Variants in WDR59 observed in about 807,000 individuals in gnomAD.
WDR59 encodes WD repeat domain 59.
A neutral mutation model predicts 131.2 loss-of-function variants in WDR59; 100 were observed. The observed-to-expected ratio is 0.76, with a 90% CI of 0.65 to 0.90. The LOEUF (loss-of-function observed/expected upper bound fraction) is 0.90, where lower values mean the gene tolerates loss of function less well. Ranked by LOEUF, WDR59 falls within the 40% of genes least tolerant of loss-of-function variation. WDR59 has a pLI of 0.00. For synonymous variants in WDR59, 601 were observed against 466.2 expected, an observed-to-expected ratio of 1.29 and a Z score of -3.72; for missense variants, 1,203 against 1,262.2, an observed-to-expected ratio of 0.95 and a Z score of 0.71.
intron 8 of WDR59, among the ~76,000 whole-genome samples, chr16:74,928,968 G>A (rs954455796): frequency 1.6e-4 from 24 of 152,280 alleles, no homozygotes; most frequent in African/African-American, 4.8e-4. Context: ...CCATCTATGT[G>A]ACAAGGGATT....
intron 25 of WDR59, 62 bp downstream of exon 25, chr16:74,885,590 TG>T: frequency 3.2e-6 from 5 of 1,579,312 alleles, no homozygotes; most frequent in Non-Finnish European, 4.3e-6. Context: ...TCTGAGGCTG[TG>T]GACATATTAA....
intron 25 of WDR59, among the ~76,000 whole-genome samples, chr16:74,875,251 C>G (rs1265563850): frequency 6.6e-6 from 1 of 152,230 alleles, no homozygotes; most frequent in Admixed American, 6.5e-5. Context: ...AAAACCTGCT[C>G]TATCTACTCT....
At chr16:74,924,984 A>C (rs753760570) in intron 8 of WDR59, among the ~76,000 whole-genome samples, 8 of 152,120 alleles carry the variant, frequency 5.3e-5, no homozygotes, top group Non-Finnish European at 7.4e-5. Flanking sequence ...TACCACTCCT[A>C]CATAACTGCC....
At chr16:74,878,006 T>C (rs1441256775) in intron 25 of WDR59, among the ~76,000 whole-genome samples, 1 of 152,192 alleles carries the variant, frequency 6.6e-6, no homozygotes, top group African/African-American at 2.4e-5. Flanking sequence ...CTCTCTACTA[T>C]AAACGTCAGC....
At chr16:74,928,898 G>C (rs1219960846) in intron 8 of WDR59, among the ~76,000 whole-genome samples, 1 of 152,096 alleles carries the variant, frequency 6.6e-6, no homozygotes, top group Non-Finnish European at 1.5e-5. Flanking sequence ...GATAGGGCGA[G>C]ACTCTGTCTC....
intron 2 of WDR59, among the ~76,000 whole-genome samples, chr16:74,957,775 T>A (rs1311802558): frequency 2.0e-5 from 3 of 152,082 alleles, no homozygotes; most frequent in Non-Finnish European, 4.4e-5. Context: ...TGGAGATCAA[T>A]GAGAATAGGC....
rs763459577 is a variant in WDR59 at position 74,885,792 on chromosome 16, G to C, written c.2550C>G (p.Leu850=). 1.2e-6 allele frequency: 2 copies of C among 1,607,176 alleles called. No homozygotes were observed. Among genetic ancestry groups the C allele is most frequent in the East Asian group, 2.2e-5 (1 of 44,864 alleles). Residue 850 remains leucine (L), a synonymous_variant, in exon 25 of 26, where the codon CTC becomes CTG. Transcript: ENST00000262144. ...ATTGCTGGGTATTGGCGGGGTCCAG[G>C]AGCCTGGATAAAGTTAAAAAGATTT... The part of the protein sequence containing the change: ...ERDQHDKNKR[L]LDPANTQQFD...
intron 18 of WDR59, among the ~76,000 whole-genome samples, chr16:74,897,206 C>T (rs1260087541): frequency 6.6e-6 from 1 of 152,200 alleles, no homozygotes; most frequent in Non-Finnish European, 1.5e-5. Context: ...TTCTGCTCAG[C>T]CCAAGTGTCT....
chr16:74,885,537 G>A (rs71392681), intron 25 of WDR59, 116 bp downstream of exon 25: 4 of 1,239,046 alleles, frequency 3.2e-6, no homozygotes, highest in South Asian at 3.8e-5. Flanking sequence ...AAATGCCTCA[G>A]AAATTTCTGC....
intron 2 of WDR59, among the ~76,000 whole-genome samples, chr16:74,960,429 G>A (rs1402379884): frequency 6.6e-6 from 1 of 151,688 alleles, no homozygotes; most frequent in Non-Finnish European, 1.5e-5. Context: ...CTACTAGTAG[G>A]AATTCCAACA....
intron 2 of WDR59, among the ~76,000 whole-genome samples, chr16:74,964,678 A>T (rs547932355): frequency 6.6e-6 from 1 of 152,278 alleles, no homozygotes; most frequent in African/African-American, 2.4e-5. Context: ...CAACTACATT[A>T]ATGAAAATAC....
At chr16:74,965,254 G>T (rs910911728) in intron 2 of WDR59, among the ~76,000 whole-genome samples, 1 of 107,570 alleles carries the variant, frequency 9.3e-6, no homozygotes, top group Admixed American at 9.3e-5. Flanking sequence ...AGCAGAGATG[G>T]CCCTTAATTG....
At chr16:74,946,453 G>A (rs1445572706) in intron 6 of WDR59, among the ~76,000 whole-genome samples, 1 of 152,116 alleles carries the variant, frequency 6.6e-6, no homozygotes, top group Non-Finnish European at 1.5e-5. Context: ...CGGGTGTGGT[G>A]GCTCCCGCCT....
At chr16:74,932,681 G>A (rs2031492877) in intron 8 of WDR59, among the ~76,000 whole-genome samples, 1 of 151,804 alleles carries the variant, frequency 6.6e-6, no homozygotes. Context: ...TAGAGATGGG[G>A]TTTCACTATG....
At chr16:74,920,748 A>C (rs573858071) in intron 10 of WDR59, among the ~76,000 whole-genome samples, 3 of 152,334 alleles carry the variant, frequency 2.0e-5, no homozygotes, top group Non-Finnish European at 4.4e-5. Context: ...TCGGGACATA[A>C]CCCCATCATA....
chr16:74,910,516 T>C (rs1966034713), intron 14 of WDR59, among the ~76,000 whole-genome samples: 1 of 152,072 alleles, frequency 6.6e-6, no homozygotes, highest in Non-Finnish European at 1.5e-5. Context: ...ACTCTGCCCT[T>C]TTCCTCACCC....
intron 8 of WDR59, among the ~76,000 whole-genome samples, chr16:74,933,558 A>T (rs1003551791): frequency 6.6e-6 from 1 of 152,148 alleles, no homozygotes. Flanking sequence ...GTTTCACTAT[A>T]TATCAAGACT....
Position 74,949,737 on chromosome 16 carries a change from T to C in WDR59, c.388A>G (p.Ile130Val). 1 of 1,613,900 alleles carries C rather than the reference T, an allele frequency of 6.2e-7. No homozygotes were observed. Among genetic ancestry groups the C allele is most frequent in the Non-Finnish European group, 8.5e-7 (1 of 1,179,906 alleles). Residue 130 changes from isoleucine to valine, a missense_variant, in exon 5 of 26, where the codon ATC becomes GTC. Coordinates refer to ENST00000262144, the MANE Select transcript of WDR59 (RefSeq NM_030581.4). The stretch of plus-strand genomic sequence containing the variant: ...TCTTACTTGATATCCCAAATGTAGA[T>C]GTAGGTGTCCACAGAGCTGGTAACC... ...LLVTSSVDTY[I>V]YIWDIKDTRK...
At position 74,909,538 on chromosome 16, in the gene WDR59, G is replaced by C. The variant is rs1237899719; in HGVS notation, c.1605C>G (p.Pro535=). The change falls in exon 16 of 26, where the codon CCC becomes CCG. Residue 535 remains proline, a synonymous_variant. Transcript: ENST00000262144. ...AYGSYQDANI[P]FPRTSGARFC... Reference sequence around the variant, plus strand: ...ACCTGGCCCCAGAAGTCCTAGGAAAGGGAATGTTGGCGTCCTGGTACGACC... The same window carrying C: ...ACCTGGCCCCAGAAGTCCTAGGAAACGGAATGTTGGCGTCCTGGTACGACC... 3 of 1,601,060 alleles carry C rather than the reference G, an allele frequency of 1.9e-6. No homozygotes were observed. The highest frequency in any genetic ancestry group is 8.5e-7 in the Non-Finnish European group (1 of 1,175,408).
Sources: allele counts gnomAD v4.1 joint callset (sites outside exome capture counted in the v4.1 genomes callset), GRCh38; gene constraint gnomAD v4.1.1; transcripts MANE v1.5; gene names NCBI Gene and HGNC (gene_info 2026-07-23, HGNC 2026-07-21).